The following GRID2IP variants were observed in gnomAD, a reference collection of about 807,000 sequenced individuals.
The protein encoded by GRID2IP is delphilin.
GRID2IP carries 78 observed loss-of-function variants against 114.3 expected under a neutral mutation model. That is an observed-to-expected ratio of 0.68 (90% CI 0.57 to 0.82). GRID2IP has a LOEUF of 0.82. GRID2IP is among the 40% of genes least tolerant of loss of function. The probability of loss-of-function intolerance (pLI) is 0.00; values close to 1 mark genes in which losing one functional copy is unlikely to be tolerated. For missense variants in GRID2IP, 1,727 were observed against 1,678.5 expected (o/e 1.03, Z -0.51); for synonymous variants, 809 against 724.0 (o/e 1.12, Z -1.89).
intron 2 of GRID2IP, among the ~76,000 whole-genome samples, chr7:6,535,052 A>G (rs1029392979): frequency 4.6e-5 from 7 of 152,052 alleles, no homozygotes; most frequent in Non-Finnish European, 8.8e-5. Context: ...CCCCCAGCTA[A>G]TTTTGTATTT....
chr7:6,510,357 C>G lies in GRID2IP; in HGVS notation c.1697G>C (p.Ser566Thr), dbSNP rs929060986. The change falls in exon 11 of 22, where the codon AGC becomes ACC. Residue 566 changes from serine (S) to threonine (T), a missense_variant. By Grantham distance (58) the Ser-to-Thr change is moderately conservative. Coordinates refer to ENST00000457091, the MANE Select transcript of GRID2IP (RefSeq NM_001145118.2). ...CACGGTCCCCATCTTCCCTTTGAAG[C>G]TGCTGTTCAGTCGAGACTCAAGCTC... The part of the protein sequence containing the change: ...YAELESRLNS[S>T]FKGKMGTVSK... 5 of 1,547,276 alleles carry G rather than the reference C, an allele frequency of 3.2e-6. No homozygotes were observed. The highest frequency in any genetic ancestry group is 2.7e-5 in the African/African-American group (2 of 72,870).
intron 14 of GRID2IP, among the ~76,000 whole-genome samples, chr7:6,505,208 T>C (rs973679610): frequency 6.6e-6 from 1 of 152,178 alleles, no homozygotes; most frequent in Non-Finnish European, 1.5e-5. Context: ...GGATGCCTCC[T>C]GTCTACGGTG....
At chr7:6,548,205 T>C (rs1207611557) in intron 1 of GRID2IP, among the ~76,000 whole-genome samples, 2 of 151,728 alleles carry the variant, frequency 1.3e-5, no homozygotes, top group Non-Finnish European at 2.9e-5. Flanking sequence ...ATACAAAAAT[T>C]AGCCAGGCAT....
rs150351201 is a variant in GRID2IP at position 6,540,442 on chromosome 7, C to T, written c.430-570G>A. 5.6e-3 allele frequency among the ~76,000 whole-genome samples: 844 copies of T among 151,942 alleles called. 7 individuals carry two copies. Among genetic ancestry groups the T allele is most frequent in the African/African-American group, 0.019 (777 of 41,428 alleles). On this transcript the variant is annotated intron_variant, in intron 1 of 21. Coordinates refer to ENST00000457091, the MANE Select transcript of GRID2IP (RefSeq NM_001145118.2). ...ATGCCATTTCTAACCATGTATCTGC[C>T]CTGCGAAGAGGGCCTGGTCGCATGG...
At chr7:6,540,794 G>A (rs922211974) in intron 1 of GRID2IP, among the ~76,000 whole-genome samples, 5 of 148,534 alleles carry the variant, frequency 3.4e-5, no homozygotes, top group African/African-American at 1.2e-4. Flanking sequence ...GGCTCCCAAA[G>A]TGCTGGGATT....
chr7:6,541,582 A>G (rs1040957594), intron 1 of GRID2IP, among the ~76,000 whole-genome samples: 1 of 152,234 alleles, frequency 6.6e-6, no homozygotes, highest in African/African-American at 2.4e-5. Flanking sequence ...GAGCGTGCAA[A>G]TGGACACGTT....
intron 1 of GRID2IP, among the ~76,000 whole-genome samples, chr7:6,550,130 A>G (rs1241328741): frequency 6.6e-6 from 1 of 152,060 alleles, no homozygotes; most frequent in Non-Finnish European, 1.5e-5. Context: ...ATCTGGGACT[A>G]TAAGGCATGC....
chr7:6,533,674 C>CT (rs1179952257), intron 2 of GRID2IP, among the ~76,000 whole-genome samples: 15,673 of 135,474 alleles, frequency 0.12, 1,028 homozygotes, highest in Admixed American at 0.18. Context: ...CATTTTTAAA[C>CT]TTTTTTTTTT....
In GRID2IP at chr7:6,503,505, G is replaced by T. The variant is rs1276517943; in HGVS notation, c.2893C>A (p.Gln965Lys). ...EAPGRLSEPD[Q>K]FVLQMLSVPE... is the part of the protein sequence containing the mutation. Reference sequence around the variant, plus strand: ...GGTCGCGGCACCTGCAGGACGAACTGGTCCGGCTCGCTGAGGCGGCCGGGC... The same window carrying T: ...GGTCGCGGCACCTGCAGGACGAACTTGTCCGGCTCGCTGAGGCGGCCGGGC... The change falls in exon 16 of 22, where the codon CAG becomes AAG. Residue 965 changes from glutamine to lysine, a missense_variant. Coordinates refer to ENST00000457091, the MANE Select transcript of GRID2IP (RefSeq NM_001145118.2). 14 of 1,525,384 alleles carry T rather than the reference G, an allele frequency of 9.2e-6. No individual in the cohort carries two copies. 94.5% of individuals were successfully genotyped at this position (1,525,384 alleles called of 1,614,324 possible). A position where few individuals can be genotyped will look rare whatever the true frequency, so the allele number is the denominator to read the frequency against.
At position 6,519,155 on chromosome 7, in the gene GRID2IP, G is replaced by C. The variant is rs139771411; in HGVS notation, c.1268+1423C>G. The stretch of plus-strand genomic sequence containing the variant: ...TGGTTTTGAACTCCTGGGCTCAAGC[G>C]ATCCTCCTGCCTCAGCCTCCCAAAG... On this transcript the variant is annotated intron_variant, in intron 7 of 21. Coordinates refer to ENST00000457091, the MANE Select transcript of GRID2IP (RefSeq NM_001145118.2). This position sits in a 1 kb window ranked among gnomAD's most constrained non-coding sequence, Gnocchi z 4.1. Among the ~76,000 whole-genome samples, 2 of 152,052 alleles carry C rather than the reference G, an allele frequency of 1.3e-5. No individual in the cohort carries two copies. Among genetic ancestry groups the C allele is most frequent in the African/African-American group, 4.8e-5 (2 of 41,406 alleles).
Position 6,526,680 on chromosome 7 carries a change from TG to T in GRID2IP, c.673del (p.Gln225ArgfsTer105). 1 of 1,473,844 alleles carries T rather than the reference TG, an allele frequency of 6.8e-7. No homozygotes were observed. The highest frequency in any genetic ancestry group is 3.0e-5 in the East Asian group (1 of 33,128). The allele number at this position is 1,473,844 out of a possible 1,614,324, so 91.3% of individuals were successfully genotyped here. ...GCTCCGGCGCAGTCGCTGCGCGCCC[TG>T]GGCCCGGCGTGCGCGGCACAGCTTG... The part of the protein sequence containing the change: ...LGKLCRARRA[Q>X]GAQRLRRSRS... On this transcript the variant is annotated frameshift_variant, in exon 3 of 22. Coordinates refer to ENST00000457091, the MANE Select transcript of GRID2IP (RefSeq NM_001145118.2). LOFTEE classifies it high-confidence loss of function. The surrounding 1 kb of genome is among the most constrained non-coding windows in gnomAD (Gnocchi z 7.6).
chr7:6,543,009 T>A lies in GRID2IP; in HGVS notation c.430-3137A>T, dbSNP rs552411501. On this transcript the variant is annotated intron_variant, in intron 1 of 21. Coordinates refer to ENST00000457091, the MANE Select transcript of GRID2IP (RefSeq NM_001145118.2). ...GCAACTTCAGCCTGAACTGGGGCTG[T>A]CAGGCCCCGCCTCTCTCACCCTCAT... 1.2e-4 allele frequency among the ~76,000 whole-genome samples: 19 copies of A among 152,178 alleles called. 1 individual carries two copies. The East Asian group carries it at 3.7e-3, about 29-fold the overall frequency.
intron 14 of GRID2IP, 136 bp downstream of exon 14, chr7:6,505,683 TA>T: frequency 1.6e-6 from 1 of 637,068 alleles, no homozygotes; most frequent in Non-Finnish European, 2.8e-6. Flanking sequence ...TGCCAGCTAT[TA>T]AATAACTCAG....
intron 20 of GRID2IP, among the ~76,000 whole-genome samples, chr7:6,500,335 G>A (rs917354732): frequency 2.0e-5 from 3 of 151,988 alleles, no homozygotes; most frequent in African/African-American, 7.3e-5. Flanking sequence ...GTGGTGGTGG[G>A]CACCTGTAAT....
Position 6,497,894 on chromosome 7 carries a change from T to C in GRID2IP, c.3565-49A>G, listed in dbSNP as rs564682111. The stretch of plus-strand genomic sequence containing the variant: ...AGGGTGGTCAGTGGTCCCAGGAACC[T>C]GTGACGCCTTCCCTGTCTCTTCCCA... On this transcript the variant is annotated intron_variant, in intron 21 of 21. Transcript: ENST00000457091. 1.2e-5 allele frequency: 18 copies of C among 1,486,524 alleles called. No homozygotes were observed. In the East Asian group the frequency reaches 2.5e-4, roughly 20 times the overall value. The allele number at this position is 1,486,524 out of a possible 1,614,324, so 92.1% of individuals were successfully genotyped here.
At chr7:6,540,109 C>CTCCCT (rs1187955425) in intron 1 of GRID2IP, among the ~76,000 whole-genome samples, 3 of 149,138 alleles carry the variant, frequency 2.0e-5, no homozygotes, top group Non-Finnish European at 3.0e-5. Context: ...CTCCCCTCCC[C>CTCCCT]TCCCTTCCCT....
rs142392461 is a variant in GRID2IP, at chr7:6,534,275, G to A, written c.584+5443C>T. Among the ~76,000 whole-genome samples, 11 of 152,110 alleles carry A rather than the reference G, an allele frequency of 7.2e-5. No individual in the cohort carries two copies. The highest frequency in any genetic ancestry group is 1.2e-4 in the African/African-American group (5 of 41,488). On this transcript the variant is annotated intron_variant, in intron 2 of 21. Coordinates refer to ENST00000457091, the MANE Select transcript of GRID2IP (RefSeq NM_001145118.2). This position sits in a 1 kb window ranked among gnomAD's most constrained non-coding sequence, Gnocchi z 4.5. ...TGACCTGCCCCTGACCTGACACCCC[G>A]TTCCCCCCACGCCACCACTCATATT...
At chr7:6,522,541 C>T (rs562948744) in intron 4 of GRID2IP, among the ~76,000 whole-genome samples, 2 of 151,772 alleles carry the variant, frequency 1.3e-5, no homozygotes, top group Non-Finnish European at 2.9e-5. Context: ...TGCTGAAGTG[C>T]AGAGGTGTGA....
intron 8 of GRID2IP, among the ~76,000 whole-genome samples, chr7:6,514,114 G>T (rs369365563): frequency 6.6e-6 from 1 of 152,098 alleles, no homozygotes; most frequent in South Asian, 2.1e-4. Flanking sequence ...ATAGCTGGGC[G>T]TAGTGACATG....
Sources: gnomAD v4.1 joint callset for allele counts (sites outside exome capture counted in the v4.1 genomes callset) on GRCh38, gnomAD v4.1.1 for gene constraint, Gnocchi (gnomAD v3.1) non-coding constraint, MANE v1.5 for transcripts, NCBI Gene and HGNC (gene_info 2026-07-23, HGNC 2026-07-21) for gene names.